RUVBL1: variants seen among roughly 807,000 people sequenced by gnomAD.
The protein encoded by RUVBL1 is ruvB-like 1.
In RUVBL1, 4 loss-of-function variants were observed where a neutral mutation model predicts 52.4. That is an observed-to-expected ratio of 0.08 (90% CI 0.04 to 0.17). RUVBL1 has a LOEUF of 0.17. Ranked by LOEUF, RUVBL1 falls within the 10% of genes least tolerant of loss-of-function variation. RUVBL1 has a pLI of 1.00. For missense variants in RUVBL1, 298 were observed against 572.8 expected (o/e 0.52, Z 4.90); for synonymous variants, 217 against 214.4 (o/e 1.01, Z -0.10).
At chr3:128,113,269 A>G (rs1943435629) in intron 2 of RUVBL1, among the ~76,000 whole-genome samples, 1 of 152,216 alleles carries the variant, frequency 6.6e-6, no homozygotes, top group Non-Finnish European at 1.5e-5. Flanking sequence ...CCCAACTCCA[A>G]ATGCCTCACA....
intron 1 of RUVBL1, among the ~76,000 whole-genome samples, chr3:128,131,638 C>T (rs1267784394): frequency 6.6e-6 from 1 of 152,154 alleles, no homozygotes; most frequent in Non-Finnish European, 1.5e-5. Flanking sequence ...TCACCATGAC[C>T]AGTGGGATTT....
At position 128,090,254 on chromosome 3, in the gene RUVBL1, G is replaced by A. The variant is rs189987582; in HGVS notation, c.1017-2446C>T. On this transcript the variant is annotated intron_variant, in intron 8 of 10. Coordinates refer to ENST00000322623, the MANE Select transcript of RUVBL1 (RefSeq NM_003707.3). ...TAATGTAAAAAAATTAAAATCAGCC[G>A]GGCGCAGTGGCTCACGCCTGTAATC... Among the ~76,000 whole-genome samples the A allele has an allele frequency of 1.1e-3, 167 of 152,278 alleles. 9 individuals carry two copies. The highest frequency in any genetic ancestry group is 6.3e-4 in the Non-Finnish European group (43 of 68,024).
At chr3:128,077,913 T>C (rs1942377554), downstream of RUVBL1, among the ~76,000 whole-genome samples, 1 of 152,210 alleles carries the variant, frequency 6.6e-6, no homozygotes. Flanking sequence ...TACAGCTACA[T>C]GTGGGTCACT....
chr3:128,087,985 G>A (rs1036585773), intron 8 of RUVBL1, 177 bp from the exon 9 acceptor site: 5 of 523,872 alleles, frequency 9.5e-6, no homozygotes, highest in East Asian at 3.4e-5. Flanking sequence ...CAGGCTAGGC[G>A]CAGTGGCTCA....
intron 1 of RUVBL1, among the ~76,000 whole-genome samples, chr3:128,140,781 G>A (rs1389338084): frequency 6.6e-6 from 1 of 152,046 alleles, no homozygotes; most frequent in Non-Finnish European, 1.5e-5. Flanking sequence ...TCAAGTAGGG[G>A]AAATAATTGA....
chr3:128,110,329 C>A (rs999748339), intron 3 of RUVBL1, among the ~76,000 whole-genome samples: 4 of 151,930 alleles, frequency 2.6e-5, no homozygotes, highest in African/African-American at 7.3e-5. Context: ...AAATAGATAA[C>A]TTAAATAAAA....
chr3:128,081,008 G>C lies in RUVBL1; in HGVS notation c.*242C>G, dbSNP rs1576438349. On this transcript the variant is annotated 3_prime_UTR_variant, in exon 11 of 11. Coordinates refer to ENST00000322623, the MANE Select transcript of RUVBL1 (RefSeq NM_003707.3). This position sits in a 1 kb window ranked among gnomAD's most constrained non-coding sequence, Gnocchi z 4.8. ...TAAAAAACTTAGAGAGAGAGAGAGA[G>C]AGAATCAAAATAACCTATGAAGATT... 8 of 437,796 alleles carry C rather than the reference G, an allele frequency of 1.8e-5. No homozygotes were observed. In the East Asian group the frequency reaches 2.7e-4, roughly 15 times the overall value. 27.1% of individuals were successfully genotyped at this position (437,796 alleles called of 1,614,324 possible).
At chr3:128,065,259 A>G in intron 9 of RUVBL1, 1 of 627,100 alleles carries the variant, frequency 1.6e-6, no homozygotes, top group East Asian at 2.7e-5. Flanking sequence ...GTTCTAACGT[A>G]AGTGAAATCA....
chr3:128,066,701 G>C, intron 9 of RUVBL1: 1 of 530,176 alleles, frequency 1.9e-6, no homozygotes, highest in Non-Finnish European at 3.3e-6. Flanking sequence ...TGGGATTACA[G>C]GTGTAAGTCA....
upstream of RUVBL1, among the ~76,000 whole-genome samples, chr3:128,126,593 A>C (rs1398712300): frequency 6.6e-6 from 1 of 152,112 alleles, no homozygotes; most frequent in Non-Finnish European, 1.5e-5. Flanking sequence ...CTCATTTTAC[A>C]TGTGACGGAA....
chr3:128,100,871 A>C, intron 5 of RUVBL1, 127 bp from the exon 6 acceptor site: 1 of 1,046,984 alleles, frequency 9.6e-7, no homozygotes. Flanking sequence ...GACAAACTCC[A>C]AATATGCCCC....
intron 1 of RUVBL1, among the ~76,000 whole-genome samples, chr3:128,139,321 T>C (rs1268399544): frequency 6.6e-6 from 1 of 152,188 alleles, no homozygotes; most frequent in East Asian, 1.9e-4. Flanking sequence ...AACCAGAATA[T>C]ATAAGGAGCT....
At position 128,070,530 on chromosome 3, in the gene RUVBL1, A is replaced by G. The variant is rs534143695; in HGVS notation, c.940-5310T>C. On this transcript the variant is annotated intron_variant, in intron 9 of 9. Transcript: ENST00000464873. ...GGAGACATTGTGGTAGCTATCAGAC[A>G]TGGACAGAAACTGACTTAGTGCTCA... 1.2e-4 allele frequency: 18 copies of G among 152,378 alleles called. No homozygotes were observed. The East Asian group carries it at 2.1e-3, about 18-fold the overall frequency. 9.4% of individuals were successfully genotyped at this position (152,378 alleles called of 1,614,324 possible).
At chr3:128,150,586 G>A (rs905958676) in intron 1 of RUVBL1, among the ~76,000 whole-genome samples, 105 of 137,480 alleles carry the variant, frequency 7.6e-4, no homozygotes, top group Admixed American at 1.3e-3. Flanking sequence ...ATATTCCACA[G>A]AATATATATA....
exon 1 of RUVBL1, chr3:128,153,307 T>A: frequency 1.5e-6 from 2 of 1,361,784 alleles, no homozygotes; most frequent in Non-Finnish European, 1.9e-6. Flanking sequence ...CTGCCTACGG[T>A]GACCTCCAGT....
At chr3:128,107,144 C>A (rs1943260333) in intron 3 of RUVBL1, among the ~76,000 whole-genome samples, 1 of 152,160 alleles carries the variant, frequency 6.6e-6, no homozygotes, top group Non-Finnish European at 1.5e-5. Flanking sequence ...TGCTCTAAAT[C>A]TCCGCTGGAG....
intron 3 of RUVBL1, among the ~76,000 whole-genome samples, chr3:128,111,686 C>T (rs968671190): frequency 6.6e-6 from 1 of 152,216 alleles, no homozygotes; most frequent in African/African-American, 2.4e-5. Context: ...CACTTTCTAA[C>T]TGCTTCTCCT....
At chr3:128,151,816 G>A (rs1944221655) in intron 1 of RUVBL1, among the ~76,000 whole-genome samples, 1 of 152,194 alleles carries the variant, frequency 6.6e-6, no homozygotes, top group Non-Finnish European at 1.5e-5. Flanking sequence ...GTGGTGGAAC[G>A]AAGGAGGCAG....
Position 128,123,252 on chromosome 3 carries a change from T to C in RUVBL1, c.141+332A>G, listed in dbSNP as rs145299227. Among the ~76,000 whole-genome samples the C allele has an allele frequency of 4.3e-3, 654 of 152,294 alleles. 4 individuals are homozygous for C. The highest frequency in any genetic ancestry group is 0.02 in the Middle Eastern group (6 of 294). On this transcript the variant is annotated intron_variant, in intron 1 of 10. Coordinates refer to ENST00000322623, the MANE Select transcript of RUVBL1 (RefSeq NM_003707.3). Reference sequence around the variant, plus strand: ...CTCACTACACTAAAATGTAAGCTCCTATCTTAATTCCCGCTGTATCCCAGT... The same window carrying C: ...CTCACTACACTAAAATGTAAGCTCCCATCTTAATTCCCGCTGTATCCCAGT...
Sources: allele counts gnomAD v4.1 joint callset (sites outside exome capture counted in the v4.1 genomes callset), GRCh38; gene constraint gnomAD v4.1.1; non-coding constraint Gnocchi (gnomAD v3.1); transcripts MANE v1.5; gene names NCBI Gene and HGNC (gene_info 2026-07-23, HGNC 2026-07-21).